Variants in SLIT3 observed in about 807,000 individuals in gnomAD.
The protein encoded by SLIT3 is slit homolog 3 protein.
Under a neutral mutation model 184.0 loss-of-function variants are expected in SLIT3, and 68 were observed. That is an observed-to-expected ratio of 0.37 (90% CI 0.30 to 0.45). The LOEUF is 0.45. SLIT3 is among the 20% of genes least tolerant of loss of function. The pLI is 1.00. For synonymous variants in SLIT3, 831 were observed against 828.6 expected, an observed-to-expected ratio of 1.00 and a Z score of -0.05; for missense variants, 1,707 against 2,026.0, an observed-to-expected ratio of 0.84 and a Z score of 3.02.
rs183405855 is a variant in SLIT3 at position 168,984,980 on chromosome 5, A to T, written c.414-101644T>A. Among the ~76,000 whole-genome samples, 3 of 152,340 alleles carry T rather than the reference A, an allele frequency of 2.0e-5. No individual in the cohort carries two copies. In the East Asian group the frequency reaches 5.8e-4, roughly 29 times the overall value. On this transcript the variant is annotated intron_variant, in intron 4 of 35. Coordinates refer to ENST00000519560, the MANE Select transcript of SLIT3 (RefSeq NM_003062.4). Reference sequence around the variant, plus strand: ...AGAAGTAATGATCCAGAAATATCACACATAGGAGAGAAATGCTAAGAGGAA... The same window carrying T: ...AGAAGTAATGATCCAGAAATATCACTCATAGGAGAGAAATGCTAAGAGGAA...
At chr5:168,976,130 C>CA (rs1754748477) in intron 4 of SLIT3, among the ~76,000 whole-genome samples, 3 of 152,200 alleles carry the variant, frequency 2.0e-5, no homozygotes, top group African/African-American at 7.2e-5. Context: ...ACTCAGCCCT[C>CA]AAGCACTCTT....
At chr5:169,122,741 T>TC (rs904259312) in intron 4 of SLIT3, among the ~76,000 whole-genome samples, 9 of 152,196 alleles carry the variant, frequency 5.9e-5, no homozygotes, top group African/African-American at 1.7e-4. Context: ...TATTTGGGTC[T>TC]CCCATTGGTC....
chr5:169,134,873 T>A (rs557390776), intron 4 of SLIT3, among the ~76,000 whole-genome samples: 15 of 152,210 alleles, frequency 9.9e-5, no homozygotes, highest in Non-Finnish European at 2.1e-4. Flanking sequence ...AGGTTTTTGT[T>A]ATGTTTTATT....
At chr5:168,794,148 C>T (rs549970301) in intron 10 of SLIT3, among the ~76,000 whole-genome samples, 16 of 152,158 alleles carry the variant, frequency 1.1e-4, no homozygotes, top group South Asian at 4.2e-4. Flanking sequence ...CCCTCCCACT[C>T]GAGGGAAAGC....
chr5:168,715,573 T>A (rs1762697715), intron 23 of SLIT3, among the ~76,000 whole-genome samples: 1 of 152,248 alleles, frequency 6.6e-6, no homozygotes, highest in African/African-American at 2.4e-5. Context: ...ATGTAAACTT[T>A]CAGCCCATCA....
chr5:169,211,976 G>A (rs368572134), intron 3 of SLIT3, among the ~76,000 whole-genome samples: 1 of 152,124 alleles, frequency 6.6e-6, no homozygotes, highest in Admixed American at 6.5e-5. Context: ...CCTTTTTTAT[G>A]GCTGCATAGT....
intron 6 of SLIT3, 84 bp downstream of exon 6, chr5:168,844,500 C>G: frequency 8.0e-7 from 1 of 1,252,818 alleles, no homozygotes; most frequent in Non-Finnish European, 1.2e-6. Context: ...CACACACTCT[C>G]CCCCTCTCTC....
intron 9 of SLIT3, 129 bp downstream of exon 9, chr5:168,806,317 G>T (rs984440506): frequency 1.0e-6 from 1 of 984,000 alleles, no homozygotes; most frequent in Non-Finnish European, 1.6e-6. Context: ...ACAGCAAAGA[G>T]ATTCCTGAGT....
At chr5:169,184,523 A>G (rs1340359321) in intron 4 of SLIT3, among the ~76,000 whole-genome samples, 1 of 152,334 alleles carries the variant, frequency 6.6e-6, no homozygotes, top group South Asian at 2.1e-4. Flanking sequence ...TTCAAAATAT[A>G]TAAAATAACA....
chr5:168,779,043 C>G (rs1755871976), intron 12 of SLIT3, among the ~76,000 whole-genome samples: 1 of 152,220 alleles, frequency 6.6e-6, no homozygotes, highest in African/African-American at 2.4e-5. Context: ...ACCAGGTGAA[C>G]AGCAGGGGCC....
At position 168,673,191 on chromosome 5, in the gene SLIT3, G is replaced by A. The variant is rs1761305930; in HGVS notation, c.3827C>T (p.Pro1276Leu). ...GAGGGCATTACCTCCAAGGTAGAGG[G>A]GGCTGTTGATGCCCACTGCTGGCTG... ...QKQPAVGINSPLYLGGIPTST... is the reference protein window; with the variant it reads ...QKQPAVGINSLLYLGGIPTST... The change falls in exon 33 of 36, where the codon CCC becomes CTC. Residue 1276 changes from proline (P) to leucine (L), a missense_variant. Transcript: ENST00000519560. The A allele has an allele frequency of 6.2e-7, 1 of 1,614,046 alleles. No homozygotes were observed. The highest frequency in any genetic ancestry group is 8.5e-7 in the Non-Finnish European group (1 of 1,179,982).
rs533364098 is a variant in SLIT3, at chr5:168,696,782, A to G, written c.2943-351T>C. Among the ~76,000 whole-genome samples the G allele has an allele frequency of 2.0e-5, 3 of 152,124 alleles. No individual in the cohort carries two copies. In the East Asian group the frequency reaches 5.8e-4, roughly 29 times the overall value. ...TTAAATTCCTCCAGCTGTCCTCCAA[A>G]CTGCCCTCCCTTTGGCTCTTCTGAG... On this transcript the variant is annotated intron_variant, in intron 27 of 35. Transcript: ENST00000519560.
intron 32 of SLIT3, among the ~76,000 whole-genome samples, chr5:168,673,919 G>T (rs1172289591): frequency 6.6e-6 from 1 of 152,066 alleles, no homozygotes; most frequent in Non-Finnish European, 1.5e-5. Flanking sequence ...TGCTCTATCT[G>T]CATGCTGCCT....
chr5:169,158,007 A>T (rs1054273908), intron 4 of SLIT3, among the ~76,000 whole-genome samples: 1 of 152,082 alleles, frequency 6.6e-6, no homozygotes, highest in Admixed American at 6.5e-5. Flanking sequence ...ACACTTGTAT[A>T]ATCAGATATC....
intron 27 of SLIT3, among the ~76,000 whole-genome samples, chr5:168,698,717 G>T (rs563134735): frequency 8.1e-4 from 123 of 152,174 alleles, no homozygotes; most frequent in African/African-American, 2.8e-3. Context: ...CACCCACCAG[G>T]TGCTGGCCCG....
At chr5:168,867,916 G>A (rs572879527) in intron 5 of SLIT3, among the ~76,000 whole-genome samples, 9 of 152,290 alleles carry the variant, frequency 5.9e-5, no homozygotes, top group Non-Finnish European at 1.2e-4. Context: ...TGACTGGGAG[G>A]CATGATCTAT....
At chr5:169,054,768 C>T (rs965612235) in intron 4 of SLIT3, among the ~76,000 whole-genome samples, 1 of 152,190 alleles carries the variant, frequency 6.6e-6, no homozygotes, top group Non-Finnish European at 1.5e-5. Flanking sequence ...TTTTCCTACG[C>T]TTAGAATACT....
intron 3 of SLIT3, among the ~76,000 whole-genome samples, chr5:169,237,466 C>A (rs2113564881): frequency 6.6e-6 from 1 of 152,284 alleles, no homozygotes; most frequent in Non-Finnish European, 1.5e-5. Context: ...CTATGTTTAA[C>A]TTTTTAAAAA....
chr5:168,904,662 G>T (rs1205393877), intron 4 of SLIT3, among the ~76,000 whole-genome samples: 1 of 152,138 alleles, frequency 6.6e-6, no homozygotes, highest in Non-Finnish European at 1.5e-5. Flanking sequence ...ATGACGTCAG[G>T]AAGGTGAACT....
Sources: gnomAD v4.1 joint callset for allele counts (sites outside exome capture counted in the v4.1 genomes callset) on GRCh38, gnomAD v4.1.1 for gene constraint, MANE v1.5 for transcripts, NCBI Gene and HGNC (gene_info 2026-07-23, HGNC 2026-07-21) for gene names.